Variants in NSUN2 observed in about 807,000 individuals in gnomAD.
The protein encoded by NSUN2 is RNA cytosine C(5)-methyltransferase NSUN2.
In NSUN2, 63 loss-of-function variants were observed where a neutral mutation model predicts 92.7. The ratio of observed to expected loss-of-function variants is 0.68; its 90% CI spans 0.56 to 0.84. The LOEUF is 0.84. Among genes scored for constraint, NSUN2 ranks in the 40% least tolerant of loss-of-function variants. NSUN2 has a pLI of 0.00. For missense variants in NSUN2, 989 were observed against 964.9 expected (o/e 1.02, Z -0.33); for synonymous variants, 356 against 348.3 (o/e 1.02, Z -0.25).
intron 16 of NSUN2, 116 bp from the exon 17 acceptor site, chr5:6,604,392 C>T (rs555803039): frequency 7.7e-5 from 81 of 1,051,012 alleles, no homozygotes; most frequent in Non-Finnish European, 4.0e-5. Flanking sequence ...CTCACTATGG[C>T]CCCTCCCCTT....
In NSUN2 at chr5:6,617,676, G is replaced by A. The variant is rs369213464; in HGVS notation, c.890+274C>T. On this transcript the variant is annotated intron_variant, in intron 8 of 18. Coordinates refer to ENST00000264670, the MANE Select transcript of NSUN2 (RefSeq NM_017755.6). ...GTAATGCATACATCAAGAGGTAAAC[G>A]GTCATTTCATGGAAAAATACATATC... Among the ~76,000 whole-genome samples, 6 of 152,226 alleles carry A rather than the reference G, an allele frequency of 3.9e-5. No homozygotes were observed. In the East Asian group the frequency reaches 7.7e-4, roughly 20 times the overall value.
At chr5:6,606,945 C>G in intron 13 of NSUN2, 33 bp from the exon 14 acceptor site, 1 of 1,288,798 alleles carries the variant, frequency 7.8e-7, no homozygotes, top group Non-Finnish European at 1.1e-6. Flanking sequence ...ACAAATCAAT[C>G]TGTAATGTGT....
intron 9 of NSUN2, 23 bp from the exon 10 acceptor site, chr5:6,611,821 T>C (rs1354276180): frequency 1.2e-6 from 2 of 1,610,282 alleles, no homozygotes; most frequent in South Asian, 2.2e-5. Flanking sequence ...AGCATGGACG[T>C]CTTTTGTTTT....
intron 12 of NSUN2, 54 bp from the exon 13 acceptor site, chr5:6,607,438 C>A: frequency 6.7e-7 from 1 of 1,486,238 alleles, no homozygotes; most frequent in Non-Finnish European, 9.1e-7. Flanking sequence ...CTTTGTGCTG[C>A]TACGAAAAGT....
intron 9 of NSUN2, among the ~76,000 whole-genome samples, chr5:6,613,510 A>C (rs1737084256): frequency 6.6e-6 from 1 of 152,218 alleles, no homozygotes; most frequent in African/African-American, 2.4e-5. Context: ...CAGAAAGCTA[A>C]AATGATTCCA....
At chr5:6,617,813 A>T (rs1737272863) in intron 8 of NSUN2, 137 bp downstream of exon 8, 1 of 542,352 alleles carries the variant, frequency 1.8e-6, no homozygotes, top group African/African-American at 1.9e-5. Flanking sequence ...CTTCTGATAA[A>T]ACAGTTGAAG....
chr5:6,604,533 A>G, intron 16 of NSUN2, 72 bp downstream of exon 16: 3 of 1,375,288 alleles, frequency 2.2e-6, no homozygotes, highest in Non-Finnish European at 3.1e-6. Flanking sequence ...CTGGCTGACC[A>G]GCAAGCCCAT....
intron 11 of NSUN2, 34 bp downstream of exon 11, chr5:6,610,921 C>A: frequency 6.2e-7 from 1 of 1,612,410 alleles, no homozygotes. Flanking sequence ...TTAACCTTCC[C>A]CCCTCCCCAC....
At chr5:6,607,038 C>T (rs1281978107) in intron 13 of NSUN2, 126 bp from the exon 14 acceptor site, 5 of 973,656 alleles carry the variant, frequency 5.1e-6, no homozygotes, top group Non-Finnish European at 8.0e-6. Flanking sequence ...ATGTTGAAAC[C>T]TTCCGGCTTC....
chr5:6,611,085 C>G lies in NSUN2; in HGVS notation c.1096G>C (p.Val366Leu). 6.2e-7 allele frequency: 1 copy of G among 1,614,142 alleles called. No individual in the cohort carries two copies. Among genetic ancestry groups the G allele is most frequent in the South Asian group, 1.1e-5 (1 of 91,084 alleles). The change falls in exon 11 of 19, where the codon GTA becomes CTA. Residue 366 changes from valine (V) to leucine (L), a missense_variant and splice_region_variant. Coordinates refer to ENST00000264670, the MANE Select transcript of NSUN2 (RefSeq NM_017755.6). ...AACCACTGCCCATCTTTCGTCATTA[C>G]CTGCAGAACCACAGGGTACATTCCA... ...KWMPGITQWK[V>L]MTKDGQWFTD...
At chr5:6,629,827 T>C (rs1379548174) in intron 3 of NSUN2, among the ~76,000 whole-genome samples, 2 of 152,186 alleles carry the variant, frequency 1.3e-5, no homozygotes, top group African/African-American at 2.4e-5. Context: ...GATGGTTTAT[T>C]AGGGGCTTCT....
chr5:6,601,819 T>C (rs895653983), intron 18 of NSUN2, among the ~76,000 whole-genome samples: 3 of 152,156 alleles, frequency 2.0e-5, no homozygotes, highest in African/African-American at 7.2e-5. Context: ...TGGTGTTGCA[T>C]GTCACCAAGA....
intron 7 of NSUN2, among the ~76,000 whole-genome samples, chr5:6,619,268 G>C (rs1441656809): frequency 6.6e-6 from 1 of 152,182 alleles, no homozygotes; most frequent in African/African-American, 2.4e-5. Context: ...GCCACCAGCT[G>C]CAAGTTTCAT....
chr5:6,632,679 C>A lies in NSUN2; in HGVS notation c.174G>T (p.Val58=). The A allele has an allele frequency of 6.2e-7, 1 of 1,614,204 alleles. No homozygotes were observed. Among genetic ancestry groups the A allele is most frequent in the Non-Finnish European group, 8.5e-7 (1 of 1,180,032 alleles). ...FEHYYQELKI[V]PEGEWGQFMD... ...TGAACTGGCCCCACTCGCCCTCGGG[C>A]ACGATCTTGAGCTCCTGGTAGTAGT... Residue 58 remains valine, a synonymous_variant, in exon 2 of 19, where the codon GTG becomes GTT. Coordinates refer to ENST00000264670, the MANE Select transcript of NSUN2 (RefSeq NM_017755.6).
chr5:6,602,144 G>C (rs986912177), intron 18 of NSUN2, among the ~76,000 whole-genome samples: 3 of 152,214 alleles, frequency 2.0e-5, no homozygotes, highest in Non-Finnish European at 4.4e-5. Flanking sequence ...TCACTCAACT[G>C]TCCAATCTTC....
intron 15 of NSUN2, 30 bp from the exon 16 acceptor site, chr5:6,604,715 G>A: frequency 6.4e-7 from 1 of 1,566,294 alleles, no homozygotes. Flanking sequence ...ATGAAACACA[G>A]AGAGATGAAG....
intron 9 of NSUN2, 81 bp from the exon 10 acceptor site, chr5:6,611,879 G>A: frequency 8.6e-7 from 1 of 1,162,744 alleles, no homozygotes; most frequent in Non-Finnish European, 1.3e-6. Context: ...ACCAGACACA[G>A]ATCACATATT....
At chr5:6,623,318 G>GC in intron 4 of NSUN2, 33 bp from the exon 5 acceptor site, 18 of 1,385,802 alleles carry the variant, frequency 1.3e-5, no homozygotes, top group Non-Finnish European at 1.4e-5. Flanking sequence ...GCAACAATTA[G>GC]GAAAAAAAAA....
At chr5:6,615,326 G>A (rs1737164523) in intron 9 of NSUN2, among the ~76,000 whole-genome samples, 1 of 152,192 alleles carries the variant, frequency 6.6e-6, no homozygotes, top group African/African-American at 2.4e-5. Flanking sequence ...CAAGCTGCCT[G>A]GAATCATGGT....
Sources: gnomAD v4.1 joint callset for allele counts (sites outside exome capture counted in the v4.1 genomes callset) on GRCh38, gnomAD v4.1.1 for gene constraint, MANE v1.5 for transcripts, NCBI Gene and HGNC (gene_info 2026-07-23, HGNC 2026-07-21) for gene names.